Variants in TMEM176B observed in about 807,000 individuals in gnomAD.
The protein encoded by TMEM176B is transmembrane protein 176B, also known as LR8-like protein.
A neutral mutation model predicts 30.3 loss-of-function variants in TMEM176B; 28 were observed. The observed-to-expected ratio is 0.92, with a 90% CI of 0.68 to 1.27. TMEM176B has a LOEUF of 1.27. Among genes scored for constraint, TMEM176B ranks in the 50% most tolerant of loss-of-function variants. The pLI, the probability that TMEM176B is intolerant of heterozygous loss-of-function variation, is 0.00. For synonymous variants in TMEM176B, 123 were observed against 130.3 expected (o/e 0.94, Z 0.38); for missense variants, 349 against 327.4 (o/e 1.07, Z -0.51).
chr7:150,798,751 A>G (rs1469250789), intron 1 of TMEM176B, among the ~76,000 whole-genome samples: 1 of 152,052 alleles, frequency 6.6e-6, no homozygotes, highest in African/African-American at 2.4e-5. Context: ...TTGTCTTTTC[A>G]TATGTTCAGG....
rs546782372 is a variant in TMEM176B, at chr7:150,796,413, T to C, written c.157A>G (p.Thr53Ala). 20 of 1,614,204 alleles carry C rather than the reference T, an allele frequency of 1.2e-5. No homozygotes were observed. In the African/African-American group the frequency reaches 1.9e-4, roughly 15 times the overall value. ...LKKFLFHPGD[T>A]VPSTARIGYE... ...CCAATCCTGGCTGTGGAAGGCACAGTGTCCCCAGGGTGAAAAAGAAACTTC... is the reference window on the plus strand; with the variant it reads ...CCAATCCTGGCTGTGGAAGGCACAGCGTCCCCAGGGTGAAAAAGAAACTTC... The change falls in exon 2 of 7, where the codon ACT (threonine) becomes GCT (alanine). Residue 53 changes from threonine (T) to alanine (A), a missense_variant. By Grantham distance (58) the Thr-to-Ala change is moderately conservative (BLOSUM62 0). Transcript: ENST00000326442.
intron 1 of TMEM176B, among the ~76,000 whole-genome samples, chr7:150,799,194 A>C (rs1417138098): frequency 6.6e-6 from 1 of 152,180 alleles, no homozygotes; most frequent in Non-Finnish European, 1.5e-5. Context: ...GATACGTTCC[A>C]TTTGCGGAAA....
intron 5 of TMEM176B, 69 bp from the exon 6 acceptor site, chr7:150,792,244 C>T: frequency 6.3e-7 from 1 of 1,586,192 alleles, no homozygotes; most frequent in Non-Finnish European, 8.6e-7. Context: ...TCACCACCCT[C>T]TCCACCCACC....
chr7:150,801,009 G>C (rs1798761786), upstream of TMEM176B: 1 of 985,420 alleles, frequency 1.0e-6, no homozygotes, highest in Admixed American at 6.1e-5. Context: ...ACCGCAGCGC[G>C]GTCCTTCACG....
At position 150,792,156 on chromosome 7, in the gene TMEM176B, C is replaced by T. The variant is rs138108608; in HGVS notation, c.620G>A (p.Arg207His). The change falls in exon 6 of 7, where the codon CGT becomes CAT. Residue 207 changes from arginine to histidine, a missense_variant. Physicochemically the swap from Arg to His is conservative, Grantham distance 29 (BLOSUM62 0). Coordinates refer to ENST00000326442, the MANE Select transcript of TMEM176B (RefSeq NM_001101312.2). ...GACACAGACAGCCAGGAACAGGGCA[C>T]GGATTGCTGTGAACAACTTCTGGAG... ...QMLRKLFTAIRALFLAVCVLK... is the reference protein window; with the variant it reads ...QMLRKLFTAIHALFLAVCVLK... The T allele has an allele frequency of 1.0e-4, 162 of 1,613,632 alleles. No individual in the cohort carries two copies. Among genetic ancestry groups the T allele is most frequent in the East Asian group, 7.1e-4 (32 of 44,856 alleles).
Position 150,791,610 on chromosome 7 carries a change from G to A in TMEM176B, c.734C>T (p.Ser245Leu). The A allele has an allele frequency of 6.2e-7, 1 of 1,613,700 alleles. No individual in the cohort carries two copies. The highest frequency in any genetic ancestry group is 1.1e-5 in the South Asian group (1 of 91,060). ...QSSQPLNEEG[S>L]EKRLLGENSV... Reference sequence around the variant, plus strand: ...ATTCTCCCCCAGTAGCCTCTTCTCTGATCCTTCCTCATTCTGGAAAAAAAA... The same window carrying A: ...ATTCTCCCCCAGTAGCCTCTTCTCTAATCCTTCCTCATTCTGGAAAAAAAA... Residue 245 changes from serine (S) to leucine (L), a missense_variant, in exon 7 of 7, where the codon TCA becomes TTA. Physicochemically the swap from Ser to Leu is moderately radical, Grantham distance 145. Coordinates refer to ENST00000326442, the MANE Select transcript of TMEM176B (RefSeq NM_001101312.2).
At chr7:150,795,257 C>T (rs540192642) in intron 2 of TMEM176B, among the ~76,000 whole-genome samples, 1 of 152,178 alleles carries the variant, frequency 6.6e-6, no homozygotes, top group Non-Finnish European at 1.5e-5. Flanking sequence ...CTCACCTGGT[C>T]GTTCAAGGCT....
chr7:150,801,004 A>G (rs1236168535), upstream of TMEM176B: 12 of 985,398 alleles, frequency 1.2e-5, no homozygotes, highest in Non-Finnish European at 1.4e-5. Flanking sequence ...TCCGCACCGC[A>G]GCGCGGTCCT....
In TMEM176B at chr7:150,797,119, G is replaced by A. The variant is rs568393090; in HGVS notation, c.-5-545C>T. ...GTATATATACCTTTAAAACCTTATC[G>A]CTCATCTTTTTCCCTCAACCACCTA... On this transcript the variant is annotated intron_variant, in intron 1 of 6. Coordinates refer to ENST00000326442, the MANE Select transcript of TMEM176B (RefSeq NM_001101312.2). Among the ~76,000 whole-genome samples the A allele has an allele frequency of 4.6e-5, 7 of 152,198 alleles. No individual in the cohort carries two copies. The East Asian group carries it at 5.8e-4, about 13-fold the overall frequency.
chr7:150,800,012 G>GCCACC, intron 1 of TMEM176B: 1 of 152,480 alleles, frequency 6.6e-6, no homozygotes, highest in African/African-American at 2.4e-5. Flanking sequence ...CGTCCCAGGA[G>GCCACC]CCACCCCACC....
intron 1 of TMEM176B, 41 bp from the exon 2 acceptor site, chr7:150,796,615 A>G: frequency 6.3e-7 from 1 of 1,597,054 alleles, no homozygotes; most frequent in Non-Finnish European, 8.6e-7. Flanking sequence ...TCTGGGAACT[A>G]GGCGAGGGAA....
chr7:150,798,378 T>C (rs1585283386), intron 1 of TMEM176B, among the ~76,000 whole-genome samples: 1 of 152,120 alleles, frequency 6.6e-6, no homozygotes, highest in Non-Finnish European at 1.5e-5. Context: ...ACCTCCCGGG[T>C]TCACGCCATT....
At chr7:150,796,121 C>T (rs533332570) in intron 2 of TMEM176B, among the ~76,000 whole-genome samples, 2 of 152,158 alleles carry the variant, frequency 1.3e-5, no homozygotes, top group Admixed American at 6.5e-5. Flanking sequence ...TCAGAGCTCA[C>T]CAGCTCCCCA....
chr7:150,793,919 C>T (rs1798416970), intron 3 of TMEM176B, 42 bp downstream of exon 3: 2 of 1,508,050 alleles, frequency 1.3e-6, no homozygotes, highest in African/African-American at 1.4e-5. Context: ...TTGCCCATCA[C>T]CACTTGCCTC....
At chr7:150,801,047 C>A (rs1460738088), upstream of TMEM176B, 2 of 956,462 alleles carry the variant, frequency 2.1e-6, no homozygotes, top group South Asian at 9.6e-5. Context: ...ACCCGTCGGG[C>A]GTGAGCAGCA....
chr7:150,793,764 C>T (rs1798412117), intron 3 of TMEM176B, among the ~76,000 whole-genome samples, 164 bp from the exon 4 acceptor site: 1 of 152,184 alleles, frequency 6.6e-6, no homozygotes, highest in Non-Finnish European at 1.5e-5. Context: ...CCTGCCCCAC[C>T]CCTCCCATCT....
In TMEM176B at chr7:150,791,565, G is replaced by C. The variant is rs1414214457; in HGVS notation, c.779C>G (p.Ser260Cys). ...LGENSVPPSP[S>C]REQTSTAIVL ...AATGGCAGTGGAGGTCTGCTCCCTA[G>C]AGGGCGAAGGGGGCACTGAATTCTC... The change falls in exon 7 of 7, where the codon TCT (serine) becomes TGT (cysteine). Residue 260 changes from serine to cysteine, a missense_variant. Coordinates refer to ENST00000326442, the MANE Select transcript of TMEM176B (RefSeq NM_001101312.2). The C allele has an allele frequency of 1.2e-6, 2 of 1,613,890 alleles. No homozygotes were observed. The highest frequency in any genetic ancestry group is 1.7e-6 in the Non-Finnish European group (2 of 1,179,978).
chr7:150,796,543 A>C lies in TMEM176B; in HGVS notation c.27T>G (p.Asn9Lys). 1.2e-6 allele frequency: 2 copies of C among 1,614,172 alleles called. No individual in the cohort carries two copies. The highest frequency in any genetic ancestry group is 1.7e-6 in the Non-Finnish European group (2 of 1,180,052). Residue 9 changes from asparagine to lysine, a missense_variant, in exon 2 of 7, where the codon AAT becomes AAG. By Grantham distance (94) the Asn-to-Lys change is moderately conservative (BLOSUM62 0). Transcript: ENST00000326442. MTQNTVIV[N>K]GVAMASRPSQ... is the part of the protein sequence containing the mutation. ...ATGGCCTAGAGGCCATAGCAACTCC[A>C]TTCACAATCACCGTGTTTTGCGTCA...
intron 6 of TMEM176B, among the ~76,000 whole-genome samples, chr7:150,791,843 G>T (rs1798322964): frequency 6.6e-6 from 1 of 151,980 alleles, no homozygotes; most frequent in Non-Finnish European, 1.5e-5. Context: ...GCAGAGGAGG[G>T]CGCAGAGAGG....
Sources: gnomAD v4.1 joint callset for allele counts (sites outside exome capture counted in the v4.1 genomes callset) on GRCh38, gnomAD v4.1.1 for gene constraint, MANE v1.5 for transcripts, NCBI Gene and HGNC (gene_info 2026-07-23, HGNC 2026-07-21) for gene names.